The following MAMDC4 variants were observed in gnomAD, a reference collection of about 807,000 sequenced individuals.
MAMDC4 encodes apical endosomal glycoprotein.
Under a neutral mutation model 153.3 loss-of-function variants are expected in MAMDC4, and 168 were observed. The ratio of observed to expected loss-of-function variants is 1.10; its 90% confidence interval spans 0.97 to 1.25. The LOEUF (loss-of-function observed/expected upper bound fraction) is 1.25. Among genes scored for constraint, MAMDC4 ranks in the 50% most tolerant of loss-of-function variants. MAMDC4 has a pLI of 0.00. For missense variants in MAMDC4, 1,701 were observed against 1,542.8 expected (o/e 1.10, Z -1.72); for synonymous variants, 744 against 651.5 (o/e 1.14, Z -2.16).
At position 136,855,282 on chromosome 9, in the gene MAMDC4, G is replaced by C. The variant is rs567485372; in HGVS notation, c.1226G>C (p.Gly409Ala). Reference protein sequence around the residue: ...QILLAGQTGPGGVVGLDDLIL... With the variant: ...QILLAGQTGPAGVVGLDDLIL... ...CTCCTGGCCGGGCAGACAGGCCCGG[G>C]GGGCGTCGTGGGTCTGGACGACCTC... The change falls in exon 11 of 27, where the codon GGG (glycine) becomes GCG (alanine). Residue 409 changes from glycine to alanine, a missense_variant. By Grantham distance (60) the Gly-to-Ala change is moderately conservative. Transcript: ENST00000317446. 12 of 1,603,300 alleles carry C rather than the reference G, an allele frequency of 7.5e-6. No homozygotes were observed. In the African/African-American group the frequency reaches 1.5e-4, roughly 20 times the overall value.
intron 10 of MAMDC4, 44 bp from the exon 11 acceptor site, chr9:136,855,210 A>AG: frequency 6.3e-7 from 1 of 1,577,432 alleles, no homozygotes; most frequent in Non-Finnish European, 8.6e-7. Context: ...ACCAGACCCC[A>AG]GGGGGAAATA....
rs372480281 is a variant in MAMDC4, at chr9:136,853,435, A to T, written c.305A>T (p.Asp102Val). 115 of 1,602,480 alleles carry T rather than the reference A, an allele frequency of 7.2e-5. No individual in the cohort carries two copies. Among genetic ancestry groups the T allele is most frequent in the Non-Finnish European group, 8.7e-5 (102 of 1,172,634 alleles). The change falls in exon 3 of 27, where the codon GAC becomes GTC. Residue 102 changes from aspartate (D) to valine (V), a missense_variant. Transcript: ENST00000317446. ...AALEGPGPHSDHTLGTDLGWY... is the reference protein window; with the variant it reads ...AALEGPGPHSVHTLGTDLGWY... ...CTGGAGGGTCCTGGGCCTCACTCAG[A>T]CCACACACTGGGCACCGACTTGGGT...
Position 136,856,006 on chromosome 9 carries a change from C to T in MAMDC4, c.1589-12C>T, listed in dbSNP as rs554030641. Reference sequence around the variant, plus strand: ...AAGGGATGAGGCTCTGAGCACCATGCTCTTCCCCTAGGGCACTTCCTGTCT... The same window carrying T: ...AAGGGATGAGGCTCTGAGCACCATGTTCTTCCCCTAGGGCACTTCCTGTCT... On this transcript the variant is annotated splice_polypyrimidine_tract_variant and intron_variant, in intron 13 of 26. Coordinates refer to ENST00000317446, the MANE Select transcript of MAMDC4 (RefSeq NM_206920.3). The T allele has an allele frequency of 1.5e-5, 24 of 1,605,928 alleles. No homozygotes were observed. The African/African-American group carries it at 2.9e-4, about 20-fold the overall frequency.
intron 26 of MAMDC4, among the ~76,000 whole-genome samples, chr9:136,860,339 G>A (rs1049507152): frequency 6.6e-6 from 1 of 152,172 alleles, no homozygotes; most frequent in Non-Finnish European, 1.5e-5. Context: ...GCCCAACATG[G>A]TGAAACCCCG....
rs1433011121 is a variant in MAMDC4 at position 136,857,028 on chromosome 9, T to C, written c.1959T>C (p.His653=). 6 of 1,611,418 alleles carry C rather than the reference T, an allele frequency of 3.7e-6. No homozygotes were observed. The highest frequency in any genetic ancestry group is 3.3e-5 in the Admixed American group (2 of 59,882). The change falls in exon 16 of 27, where the codon CAT becomes CAC. Residue 653 remains histidine, a synonymous_variant. Transcript: ENST00000317446. ...TECLSFWYHL[H]GPQIGTLRLA... is the part of the protein sequence containing the mutation. ...GTCTCAGCTTCTGGTACCACCTCCATGGGCCCCAGATTGGTGAGTGGACCT... is the reference window on the plus strand; with the variant it reads ...GTCTCAGCTTCTGGTACCACCTCCACGGGCCCCAGATTGGTGAGTGGACCT...
chr9:136,855,790 G>C lies in MAMDC4; in HGVS notation c.1530G>C (p.Arg510=). The part of the protein sequence containing the change: ...AGGWEDASVG[R]LQWRRVSAQE... ...GCTGGGAGGACGCCAGCGTGGGGCG[G>C]CTGCAGTGGCGGCGTGTCTCAGCCC... is the stretch of plus-strand genomic sequence containing the variant. Residue 510 remains arginine (R), a synonymous_variant, in exon 13 of 27, where the codon CGG becomes CGC. Transcript: ENST00000317446. 1 of 1,553,176 alleles carries C rather than the reference G, an allele frequency of 6.4e-7. No homozygotes were observed. Among genetic ancestry groups the C allele is most frequent in the Non-Finnish European group, 8.7e-7 (1 of 1,149,644 alleles).
At position 136,857,421 on chromosome 9, in the gene MAMDC4, G is replaced by A; in HGVS notation, c.2161G>A (p.Val721Met). ...CCACGGCACCATGGCGCTGGACGAT[G>A]TGGCCGTGCGGCCGGGCCCCTGCTG... is the stretch of plus-strand genomic sequence containing the variant. ...GYHGTMALDD[V>M]AVRPGPCWAP... Residue 721 changes from valine to methionine, a missense_variant, in exon 18 of 27, where the codon GTG (valine) becomes ATG (methionine). Coordinates refer to ENST00000317446, the MANE Select transcript of MAMDC4 (RefSeq NM_206920.3). 1 of 1,608,280 alleles carries A rather than the reference G, an allele frequency of 6.2e-7. No individual in the cohort carries two copies. Among genetic ancestry groups the A allele is most frequent in the Non-Finnish European group, 8.5e-7 (1 of 1,179,928 alleles).
At chr9:136,853,037 C>T (rs1848948456) in intron 1 of MAMDC4, 65 bp from the exon 2 acceptor site, 3 of 1,392,936 alleles carry the variant, frequency 2.2e-6, no homozygotes, top group South Asian at 2.4e-5. Flanking sequence ...ACTGAATAGT[C>T]CTAGGCAGGC....
intron 6 of MAMDC4, 28 bp downstream of exon 6, chr9:136,854,104 C>A (rs201141966): frequency 4.3e-6 from 7 of 1,611,784 alleles, no homozygotes; most frequent in Non-Finnish European, 5.9e-6. Context: ...CCTGTTCCAC[C>A]CCCGGGAGGG....
Position 136,859,197 on chromosome 9 carries a change from C to T in MAMDC4, c.3085-12C>T. On this transcript the variant is annotated splice_polypyrimidine_tract_variant and intron_variant, in intron 24 of 26. Coordinates refer to ENST00000317446, the MANE Select transcript of MAMDC4 (RefSeq NM_206920.3). Reference sequence around the variant, plus strand: ...CCCAGGGCCCACACAAACTCCTTTCCTTCTCCATCAGATCGTGTTTGAAGC... The same window carrying T: ...CCCAGGGCCCACACAAACTCCTTTCTTTCTCCATCAGATCGTGTTTGAAGC... 1.2e-6 allele frequency: 2 copies of T among 1,608,044 alleles called. No individual in the cohort carries two copies. The highest frequency in any genetic ancestry group is 1.7e-6 in the Non-Finnish European group (2 of 1,177,238).
In MAMDC4 at chr9:136,853,224, G is replaced by C. The variant is rs761540014; in HGVS notation, c.154+15G>C. On this transcript the variant is annotated intron_variant, in intron 2 of 26. Transcript: ENST00000317446. The stretch of plus-strand genomic sequence containing the variant: ...GGCCCAGTGTGGTGAGCCAAGACCA[G>C]ATGGGCGGGCAGGGCCAGTGCGAGC... The C allele has an allele frequency of 3.1e-6, 5 of 1,612,656 alleles. No homozygotes were observed. The highest frequency in any genetic ancestry group is 8.5e-7 in the Non-Finnish European group (1 of 1,179,844).
intron 14 of MAMDC4, 39 bp downstream of exon 14, chr9:136,856,188 G>C: frequency 6.2e-7 from 1 of 1,611,562 alleles, no homozygotes; most frequent in Non-Finnish European, 8.5e-7. Context: ...CCAGCCCCTG[G>C]GTGCTCCCTG....
rs1003079988 is a variant in MAMDC4 at position 136,858,087 on chromosome 9, G to A, written c.2573G>A (p.Arg858Gln). ...GGCAGCATGGACGTGCAGGCCGAGC[G>A]AGCCTGGAGGGTGAGTGCAGGGTGG... is the stretch of plus-strand genomic sequence containing the variant. ...RLGSMDVQAE[R>Q]AWRVVFEAVA... Residue 858 changes from arginine (R) to glutamine (Q), a missense_variant, in exon 20 of 27, where the codon CGA becomes CAA. Coordinates refer to ENST00000317446, the MANE Select transcript of MAMDC4 (RefSeq NM_206920.3). 1.0e-5 allele frequency: 16 copies of A among 1,531,766 alleles called. No individual in the cohort carries two copies. Among genetic ancestry groups the A allele is most frequent in the Non-Finnish European group, 1.1e-5 (13 of 1,140,568 alleles). 94.9% of individuals were successfully genotyped at this position (1,531,766 alleles called of 1,614,324 possible).
intron 7 of MAMDC4, 73 bp from the exon 8 acceptor site, chr9:136,854,466 C>T: frequency 6.5e-7 from 1 of 1,535,238 alleles, no homozygotes; most frequent in African/African-American, 1.4e-5. Context: ...TGCCAGGGCC[C>T]CCCTGGAGCT....
Position 136,859,106 on chromosome 9 carries a change from G to A in MAMDC4, c.3058G>A (p.Glu1020Lys), listed in dbSNP as rs1849050126. 6.4e-7 allele frequency: 1 copy of A among 1,553,068 alleles called. No individual in the cohort carries two copies. Among genetic ancestry groups the A allele is most frequent in the Admixed American group, 1.9e-5 (1 of 51,332 alleles). Residue 1020 changes from glutamate to lysine, a missense_variant, in exon 24 of 27, where the codon GAG (glutamate) becomes AAG (lysine). By Grantham distance (56) the Glu-to-Lys change is moderately conservative. Coordinates refer to ENST00000317446, the MANE Select transcript of MAMDC4 (RefSeq NM_206920.3). ...RRHQWLEAQV[E>K]VASAKEFQIV... ...GCACCAGTGGCTGGAGGCCCAGGTGGAGGTAGCCAGTGCCAAGGAGTTCCA... is the reference window on the plus strand; with the variant it reads ...GCACCAGTGGCTGGAGGCCCAGGTGAAGGTAGCCAGTGCCAAGGAGTTCCA...
At chr9:136,857,081 C>A in intron 16 of MAMDC4, 40 bp downstream of exon 16, 1 of 1,602,548 alleles carries the variant, frequency 6.2e-7, no homozygotes, top group Non-Finnish European at 8.5e-7. Context: ...TGTGGGGAGG[C>A]CCCCGGGGGT....
chr9:136,852,363 G>T lies in MAMDC4; in HGVS notation c.-54G>T. The stretch of plus-strand genomic sequence containing the variant: ...GCGGGGCCAGCGCAGGCTGATAACC[G>T]CACGGAACTTCCCAGGCACCCTGTG... On this transcript the variant is annotated 5_prime_UTR_variant, in exon 1 of 27. Coordinates refer to ENST00000317446, the MANE Select transcript of MAMDC4 (RefSeq NM_206920.3). 1 of 1,598,864 alleles carries T rather than the reference G, an allele frequency of 6.3e-7. No individual in the cohort carries two copies. The highest frequency in any genetic ancestry group is 8.5e-7 in the Non-Finnish European group (1 of 1,175,324).
In MAMDC4 at chr9:136,860,072, C is replaced by A. The variant is rs776528531; in HGVS notation, c.3372+8C>A. 4.5e-6 allele frequency: 7 copies of A among 1,551,250 alleles called. No individual in the cohort carries two copies. The African/African-American group carries it at 8.1e-5, about 18-fold the overall frequency. On this transcript the variant is annotated splice_region_variant and intron_variant, in intron 26 of 26. Transcript: ENST00000317446. ...AACATCCTTTTCAATGCGGTAGGAG[C>A]CCCTGGGGATGGGTGGGCAGGAGCC...
rs1466987176 is a variant in MAMDC4, at chr9:136,853,151, C to T, written c.96C>T (p.Gly32=). 4 of 1,612,680 alleles carry T rather than the reference C, an allele frequency of 2.5e-6. No homozygotes were observed. The highest frequency in any genetic ancestry group is 2.5e-6 in the Non-Finnish European group (3 of 1,179,974). The change falls in exon 2 of 27, where the codon GGC becomes GGT. Residue 32 remains glycine (G), a synonymous_variant. Transcript: ENST00000317446. ...TCCCCAACCACTGCAGGAGCCCTGG[C>T]CAGGCCGTGTGCAACTTCGTGTGTG... ...AWVPNHCRSP[G]QAVCNFVCDC...
Sources: allele counts gnomAD v4.1 joint callset (sites outside exome capture counted in the v4.1 genomes callset), GRCh38; gene constraint gnomAD v4.1.1; transcripts MANE v1.5; gene names NCBI Gene and HGNC (gene_info 2026-07-23, HGNC 2026-07-21).